Variants in TAF6L observed in about 807,000 individuals in gnomAD.
The protein encoded by TAF6L is TAF6-like RNA polymerase II p300/CBP-associated factor-associated factor 65 kDa subunit 6L.
TAF6L carries 34 observed loss-of-function variants against 57.3 expected under a neutral mutation model. That is an observed-to-expected ratio of 0.59 (90% CI 0.45 to 0.79). The LOEUF (loss-of-function observed/expected upper bound fraction) is 0.79, where lower values mean the gene tolerates loss of function less well. Ranked by LOEUF, TAF6L falls within the 30% of genes least tolerant of loss-of-function variation. The pLI, the probability that TAF6L is intolerant of heterozygous loss-of-function variation, is 0.00. For missense variants in TAF6L, 782 were observed against 853.2 expected (o/e 0.92, Z 1.04); for synonymous variants, 417 against 376.3 (o/e 1.11, Z -1.25).
Position 62,775,909 on chromosome 11 carries a change from T to C in TAF6L, c.126T>C (p.Tyr42=). 1 of 1,613,096 alleles carries C rather than the reference T, an allele frequency of 6.2e-7. No homozygotes were observed. The highest frequency in any genetic ancestry group is 8.5e-7 in the Non-Finnish European group (1 of 1,179,516). The change falls in exon 2 of 11, where the codon TAT becomes TAC. Residue 42 remains tyrosine, a synonymous_variant. Coordinates refer to ENST00000294168, the MANE Select transcript of TAF6L (RefSeq NM_006473.4). ...VAALLAEDVC[Y]RLREATQNSS... ...CGCTGCTCGCAGAGGACGTGTGCTA[T>C]CGTCTGAGAGAGGCCACGCAGGTAC... is the stretch of plus-strand genomic sequence containing the variant.
At chr11:62,776,267 G>C in intron 2 of TAF6L, 117 bp from the exon 3 acceptor site, 2 of 1,016,750 alleles carry the variant, frequency 2.0e-6, no homozygotes, top group Non-Finnish European at 3.0e-6. Flanking sequence ...CTAGGCTTCT[G>C]ATCCCTAAGC....
intron 5 of TAF6L, 102 bp from the exon 6 acceptor site, chr11:62,778,767 T>C: frequency 1.0e-6 from 1 of 982,040 alleles, no homozygotes; most frequent in Non-Finnish European, 1.6e-6. Context: ...AAAGGCTTCT[T>C]GTGGATGTGT....
intron 1 of TAF6L, among the ~76,000 whole-genome samples, chr11:62,772,821 G>T (rs1360359610): frequency 6.8e-6 from 1 of 147,672 alleles, no homozygotes; most frequent in Non-Finnish European, 1.5e-5. Flanking sequence ...AAAAAAAAAA[G>T]AATAGTTCTT....
At chr11:62,772,831 T>C (rs2084158741) in intron 1 of TAF6L, among the ~76,000 whole-genome samples, 1 of 151,578 alleles carries the variant, frequency 6.6e-6, no homozygotes. Context: ...GAATAGTTCT[T>C]CTTTCTTTCT....
At chr11:62,780,635 AG>A (rs1238426226) in intron 6 of TAF6L, among the ~76,000 whole-genome samples, 1 of 152,154 alleles carries the variant, frequency 6.6e-6, no homozygotes, top group African/African-American at 2.4e-5. Flanking sequence ...ATAAAAACAT[AG>A]AAAAAGAAAG....
chr11:62,778,795 G>A (rs973338659), intron 5 of TAF6L, 74 bp from the exon 6 acceptor site: 36 of 1,266,320 alleles, frequency 2.8e-5, no homozygotes, highest in Admixed American at 1.9e-4. Flanking sequence ...TGGTGGTTGA[G>A]GGGGAGGAGG....
chr11:62,777,243 C>G (rs2084194452), intron 3 of TAF6L, among the ~76,000 whole-genome samples: 1 of 152,050 alleles, frequency 6.6e-6, no homozygotes, highest in Non-Finnish European at 1.5e-5. Context: ...AGGAGAATCG[C>G]TTGAAACTGG....
intron 6 of TAF6L, among the ~76,000 whole-genome samples, chr11:62,780,216 G>A (rs1429843885): frequency 1.3e-5 from 2 of 151,764 alleles, no homozygotes; most frequent in Admixed American, 6.6e-5. Context: ...TACTCGGGAG[G>A]CTGAGGCAGG....
Position 62,777,966 on chromosome 11 carries a change from C to T in TAF6L, c.235-12C>T. The T allele has an allele frequency of 6.2e-7, 1 of 1,613,782 alleles. No individual in the cohort carries two copies. The highest frequency in any genetic ancestry group is 1.1e-5 in the South Asian group (1 of 91,060). ...TGGATTCAGGCTGCTCTCCAATTCCCTTTTTCCTCAGGCTGTGTGTGGTTA... is the reference window on the plus strand; with the variant it reads ...TGGATTCAGGCTGCTCTCCAATTCCTTTTTTCCTCAGGCTGTGTGTGGTTA... On this transcript the variant is annotated splice_polypyrimidine_tract_variant and intron_variant, in intron 3 of 10. Coordinates refer to ENST00000294168, the MANE Select transcript of TAF6L (RefSeq NM_006473.4).
chr11:62,786,157 C>T, intron 9 of TAF6L, 103 bp from the exon 10 acceptor site: 1 of 1,423,006 alleles, frequency 7.0e-7, no homozygotes, highest in Non-Finnish European at 9.6e-7. Context: ...GGATTGAGCC[C>T]TGTCTAGGAT....
At chr11:62,777,864 C>G in intron 3 of TAF6L, 114 bp from the exon 4 acceptor site, 1 of 1,298,098 alleles carries the variant, frequency 7.7e-7, no homozygotes, top group Non-Finnish European at 1.0e-6. Flanking sequence ...CTTGGGACTT[C>G]TGGACTTCCT....
chr11:62,777,995 A>G lies in TAF6L; in HGVS notation c.252A>G (p.Gly84=), dbSNP rs772062298. The G allele has an allele frequency of 1.9e-6, 3 of 1,614,114 alleles. No homozygotes were observed. The South Asian group carries it at 3.3e-5, about 18-fold the overall frequency. Residue 84 remains glycine (G), a synonymous_variant, in exon 4 of 11, where the codon GGA becomes GGG. Transcript: ENST00000294168. ...WSSVEAVCGY[G]SQEALPMRPA... ...TTCCTCAGGCTGTGTGTGGTTACGG[A>G]TCACAGGAGGCACTGCCCATGCGCC...
intron 3 of TAF6L, among the ~76,000 whole-genome samples, chr11:62,777,392 C>T (rs1025342400): frequency 1.3e-5 from 2 of 152,318 alleles, no homozygotes; most frequent in Admixed American, 6.5e-5. Flanking sequence ...ATAGCAACAG[C>T]AGACCAGGTG....
chr11:62,775,489 A>G (rs1383339370), intron 1 of TAF6L, among the ~76,000 whole-genome samples: 1 of 152,240 alleles, frequency 6.6e-6, no homozygotes, highest in African/African-American at 2.4e-5. Flanking sequence ...GCTCAGACTG[A>G]TGAAGGCCTT....
At position 62,786,637 on chromosome 11, in the gene TAF6L, G is replaced by C. The variant is rs2084279714; in HGVS notation, c.1210G>C (p.Glu404Gln). The C allele has an allele frequency of 6.2e-7, 1 of 1,603,032 alleles. No individual in the cohort carries two copies. Among genetic ancestry groups the C allele is most frequent in the South Asian group, 1.1e-5 (1 of 89,908 alleles). The change falls in exon 11 of 11, where the codon GAG becomes CAG. Residue 404 changes from glutamate (E) to glutamine (Q), a missense_variant. Around this residue, in one of 3 missense-constraint regions of TAF6L, gnomAD observed 483 missense variants for 445.1 expected, o/e 1.09. Coordinates refer to ENST00000294168, the MANE Select transcript of TAF6L (RefSeq NM_006473.4). The stretch of plus-strand genomic sequence containing the variant: ...GCCATGGGACAGCCTTCTCTTTCAA[G>C]AGTCGTCCTCCGGGGGCGGTGCAGA... The part of the protein sequence containing the change: ...DLPWDSLLFQ[E>Q]SSSGGGAEPS...
chr11:62,778,394 G>A (rs1483274266), intron 5 of TAF6L, 59 bp downstream of exon 5: 10 of 1,600,426 alleles, frequency 6.2e-6, no homozygotes, highest in East Asian at 2.2e-5. Context: ...AGGTTCTGAG[G>A]GTGGTGCCTA....
chr11:62,782,039 G>A, intron 7 of TAF6L, 71 bp downstream of exon 7: 1 of 1,595,866 alleles, frequency 6.3e-7, no homozygotes, highest in African/African-American at 1.3e-5. Context: ...TAGGGCTCAT[G>A]GCAAGTGCTG....
chr11:62,776,018 A>G, intron 2 of TAF6L, 88 bp downstream of exon 2: 2 of 1,459,462 alleles, frequency 1.4e-6, no homozygotes, highest in South Asian at 1.4e-5. Flanking sequence ...ATTCAAGTGT[A>G]CACTGGGTGC....
Position 62,776,364 on chromosome 11 carries a change from T to G in TAF6L, c.148-20T>G. On this transcript the variant is annotated intron_variant, in intron 2 of 10. Coordinates refer to ENST00000294168, the MANE Select transcript of TAF6L (RefSeq NM_006473.4). ...CTGCTTCACATCCTTTGACTCTGGC[T>G]TTTGTTCCCTCCCTCCCAGAATAGC... 6.2e-7 allele frequency: 1 copy of G among 1,612,722 alleles called. No homozygotes were observed. Among genetic ancestry groups the G allele is most frequent in the Non-Finnish European group, 8.5e-7 (1 of 1,178,942 alleles).
Sources: gnomAD v4.1 joint callset for allele counts (sites outside exome capture counted in the v4.1 genomes callset) on GRCh38, gnomAD v4.1.1 for gene constraint, gnomAD v4.1.1 regional missense constraint, MANE v1.5 for transcripts, NCBI Gene and HGNC (gene_info 2026-07-23, HGNC 2026-07-21) for gene names.